The following USP35 variants were observed in gnomAD, a reference collection of about 807,000 sequenced individuals.
USP35 encodes ubiquitin carboxyl-terminal hydrolase 35.
USP35 carries 69 observed loss-of-function variants against 83.8 expected under a neutral mutation model. The ratio of observed to expected loss-of-function variants is 0.82; its 90% CI spans 0.68 to 1.01. The LOEUF (loss-of-function observed/expected upper bound fraction) is 1.01. Among genes scored for constraint, USP35 ranks in the 50% least tolerant of loss-of-function variants. USP35 has a pLI of 0.00. For synonymous variants in USP35, 714 were observed against 589.5 expected, an observed-to-expected ratio of 1.21 and a Z score of -3.06; for missense variants, 1,503 against 1,362.5, an observed-to-expected ratio of 1.10 and a Z score of -1.62.
chr11:78,209,433 T>C lies in USP35; in HGVS notation c.1593-15T>C, dbSNP rs752278725. ...CCCGCATGTACATGTAGTGACTCTG[T>C]GCTCTCTGCCCCAGGCTGCACGAAG... is the stretch of plus-strand genomic sequence containing the variant. On this transcript the variant is annotated splice_polypyrimidine_tract_variant and intron_variant, in intron 9 of 10. Coordinates refer to ENST00000529308, the MANE Select transcript of USP35 (RefSeq NM_020798.4). The C allele has an allele frequency of 4.4e-6, 7 of 1,580,720 alleles. No homozygotes were observed. In the Admixed American group the frequency reaches 1.2e-4, roughly 28 times the overall value.
At position 78,209,883 on chromosome 11, in the gene USP35, G is replaced by C. The variant is rs564294875; in HGVS notation, c.2028G>C (p.Arg676Ser). The C allele has an allele frequency of 2.6e-5, 42 of 1,606,294 alleles. No homozygotes were observed. The Middle Eastern group carries it at 5.0e-4, about 19-fold the overall frequency. The change falls in exon 10 of 11, where the codon AGG becomes AGC. Residue 676 changes from arginine to serine, a missense_variant. Transcript: ENST00000529308. ...GTGGGCAGAGCAGTCAGGAGGAAAG[G>C]ATAGAGAGGGAGGAAGAAGGGAAGG... ...EAGGQSSQEE[R>S]IEREEEGKEE...
chr11:78,205,042 TA>T (rs759076685), intron 6 of USP35, among the ~76,000 whole-genome samples: 3 of 152,240 alleles, frequency 2.0e-5, no homozygotes, highest in East Asian at 3.8e-4. Context: ...TGCTGAACTC[TA>T]AGTAGCGGGA....
At chr11:78,221,068 C>A in the USP35 span, among the ~76,000 whole-genome samples, 2,409 of 152,282 alleles carry the variant, frequency 0.016, 66 homozygotes, top group African/African-American at 0.055. Context: ...AGGATCCTGT[C>A]CATCCAGGCT....
chr11:78,213,242 A>G lies in USP35; in HGVS notation c.2890-404A>G, dbSNP rs1046301224. ...TCCAGATGGAGGCAGGGTGGCGGGT[A>G]AGGATCGCCATGAGGCTGACGTCCT... On this transcript the variant is annotated intron_variant, in intron 10 of 10. Coordinates refer to ENST00000529308, the MANE Select transcript of USP35 (RefSeq NM_020798.4). 7.2e-5 allele frequency among the ~76,000 whole-genome samples: 11 copies of G among 152,094 alleles called. No homozygotes were observed. The South Asian group carries it at 1.7e-3, about 23-fold the overall frequency.
chr11:78,209,057 T>G, intron 9 of USP35, 94 bp downstream of exon 9: 1 of 1,281,604 alleles, frequency 7.8e-7, no homozygotes, highest in Non-Finnish European at 1.1e-6. Context: ...GTCCAGGGAA[T>G]AAGTGTGCTG....
At chr11:78,213,596 C>A in intron 10 of USP35, 50 bp from the exon 11 acceptor site, 1 of 1,435,912 alleles carries the variant, frequency 7.0e-7, no homozygotes, top group Non-Finnish European at 9.1e-7. Flanking sequence ...CTCACTCTGG[C>A]TTCAGGGTGT....
In USP35 at chr11:78,209,815, C is replaced by G. The variant is rs61760228; in HGVS notation, c.1960C>G (p.Pro654Ala). ...ACACTGCATCACAGAGGACACCCCC[C>G]CCACCAGCCTGTACATCGAAGGCCT... is the stretch of plus-strand genomic sequence containing the variant. ...RKHCITEDTP[P>A]TSLYIEGLDS... The change falls in exon 10 of 11, where the codon CCC (proline) becomes GCC (alanine). Residue 654 changes from proline (P) to alanine (A), a missense_variant. Transcript: ENST00000529308. The G allele has an allele frequency of 9.1e-5, 147 of 1,613,520 alleles. No homozygotes were observed. Among genetic ancestry groups the G allele is most frequent in the African/African-American group, 1.1e-4 (8 of 74,862 alleles).
At position 78,196,542 on chromosome 11, in the gene USP35, C is replaced by A. The variant is rs1863151742; in HGVS notation, c.297C>A (p.Arg99=). 4.9e-6 allele frequency: 6 copies of A among 1,230,490 alleles called. No homozygotes were observed. Among genetic ancestry groups the A allele is most frequent in the South Asian group, 2.2e-5 (1 of 45,264 alleles). 76.2% of individuals were successfully genotyped at this position (1,230,490 alleles called of 1,614,324 possible). The change falls in exon 2 of 11, where the codon CGC becomes CGA. Residue 99 remains arginine (R), a synonymous_variant. Coordinates refer to ENST00000529308, the MANE Select transcript of USP35 (RefSeq NM_020798.4). This position sits in a 1 kb window ranked among gnomAD's most constrained non-coding sequence, Gnocchi z 4.8. The part of the protein sequence containing the change: ...LQGGAGPPGP[R]ALACVQLGLQ... ...GTGGCGCCGGCCCCCCGGGCCCCCG[C>A]GCGCTCGCCTGCGTGCAGCTGGGTC...
At chr11:78,207,676 C>A in intron 8 of USP35, 53 bp downstream of exon 8, 1 of 1,552,498 alleles carries the variant, frequency 6.4e-7, no homozygotes. Flanking sequence ...GGTCAGGCCC[C>A]GACATGGACA....
At chr11:78,228,245 A>G in the USP35 span, among the ~76,000 whole-genome samples, 1 of 152,186 alleles carries the variant, frequency 6.6e-6, no homozygotes, top group African/African-American at 2.4e-5. Flanking sequence ...GTGCTTTGGG[A>G]AATTGGAGGG....
chr11:78,206,845 A>G (rs1314560737), intron 7 of USP35, among the ~76,000 whole-genome samples: 1 of 152,200 alleles, frequency 6.6e-6, no homozygotes, highest in Non-Finnish European at 1.5e-5. Context: ...GGGCCTGGGA[A>G]TTGGCTTGCT....
the USP35 span, among the ~76,000 whole-genome samples, chr11:78,236,892 A>G: frequency 6.6e-6 from 1 of 152,324 alleles, no homozygotes; most frequent in South Asian, 2.1e-4. Context: ...ATATTGTCCC[A>G]AACAGACACA....
chr11:78,228,518 T>C, the USP35 span, among the ~76,000 whole-genome samples: 10 of 152,194 alleles, frequency 6.6e-5, no homozygotes, highest in African/African-American at 1.2e-4. Flanking sequence ...TTTTGCCTTA[T>C]AGAAGCTCTC....
intron 6 of USP35, 73 bp downstream of exon 6, chr11:78,200,881 A>G (rs1427751924): frequency 6.6e-7 from 1 of 1,514,012 alleles, no homozygotes; most frequent in Non-Finnish European, 8.9e-7. Flanking sequence ...CCAGCGGGCC[A>G]TACCACAGCT....
At chr11:78,191,027 T>C (rs911385726) in intron 1 of USP35, among the ~76,000 whole-genome samples, 2 of 152,178 alleles carry the variant, frequency 1.3e-5, no homozygotes, top group Admixed American at 6.5e-5. Context: ...AGCAGGGGCA[T>C]GGACGGAATG....
At chr11:78,193,867 A>G (rs558992837) in intron 1 of USP35, among the ~76,000 whole-genome samples, 111 of 151,964 alleles carry the variant, frequency 7.3e-4, no homozygotes, top group Non-Finnish European at 1.2e-3. Context: ...GTCTCACTCT[A>G]TCACTTAGGC....
Position 78,210,136 on chromosome 11 carries a change from G to C in USP35, c.2281G>C (p.Val761Leu). 1 of 1,613,290 alleles carries C rather than the reference G, an allele frequency of 6.2e-7. No homozygotes were observed. Among genetic ancestry groups the C allele is most frequent in the South Asian group, 1.1e-5 (1 of 91,038 alleles). ...ATGTGGCTCTGAGGGCTCCCGCTCC[G>C]TCCTGGACCTGGTTAACTACTTCCT... ...RTCGSEGSRSVLDLVNYFLSP... is the reference protein window; with the variant it reads ...RTCGSEGSRSLLDLVNYFLSP... The change falls in exon 10 of 11, where the codon GTC becomes CTC. Residue 761 changes from valine to leucine, a missense_variant. Physicochemically the swap from Val to Leu is conservative, Grantham distance 32. Coordinates refer to ENST00000529308, the MANE Select transcript of USP35 (RefSeq NM_020798.4).
At chr11:78,218,706 TG>T (rs2134447218), downstream of USP35, 1 of 153,344 alleles carries the variant, frequency 6.5e-6, no homozygotes, top group Non-Finnish European at 1.5e-5. Flanking sequence ...TCAAGACCAC[TG>T]CTGAGCCTCC....
rs182981958 is a variant in USP35 at position 78,213,973 on chromosome 11, A to C, written c.*160A>C. The C allele has an allele frequency of 1.7e-4, 131 of 760,688 alleles. No homozygotes were observed. The African/African-American group carries it at 2.0e-3, about 12-fold the overall frequency. 47.1% of individuals were successfully genotyped at this position (760,688 alleles called of 1,614,324 possible). A position where few individuals can be genotyped will look rare whatever the true frequency, so the allele number is the denominator to read the frequency against. On this transcript the variant is annotated 3_prime_UTR_variant, in exon 11 of 11. Coordinates refer to ENST00000529308, the MANE Select transcript of USP35 (RefSeq NM_020798.4). ...ACACAGAGATTCTCTCAGATATGGA[A>C]GTAAGACCTAAGTCCCTTTCATTGG...
Sources: gnomAD v4.1 joint callset for allele counts (sites outside exome capture counted in the v4.1 genomes callset) on GRCh38, gnomAD v4.1.1 for gene constraint, Gnocchi (gnomAD v3.1) non-coding constraint, MANE v1.5 for transcripts, NCBI Gene and HGNC (gene_info 2026-07-23, HGNC 2026-07-21) for gene names.